The following PLCB4 variants were observed in gnomAD, a reference collection of about 807,000 sequenced individuals.
The protein encoded by PLCB4 is 1-phosphatidylinositol 4,5-bisphosphate phosphodiesterase beta-4.
In PLCB4, 77 loss-of-function variants were observed where a neutral mutation model predicts 178.8. The ratio of observed to expected loss-of-function variants is 0.43; its 90% CI spans 0.36 to 0.52. The LOEUF (loss-of-function observed/expected upper bound fraction) is 0.52, where lower values mean the gene tolerates loss of function less well. Ranked by LOEUF, PLCB4 falls within the 20% of genes least tolerant of loss-of-function variation. The probability of loss-of-function intolerance (pLI) is 0.00; values close to 1 mark genes in which losing one functional copy is unlikely to be tolerated. For synonymous variants in PLCB4, 496 were observed against 490.8 expected, an observed-to-expected ratio of 1.01 and a Z score of -0.14; for missense variants, 1,024 against 1,453.4, an observed-to-expected ratio of 0.70 and a Z score of 4.80.
intron 14 of PLCB4, 64 bp downstream of exon 14, chr20:9,384,475 C>G: frequency 8.8e-7 from 1 of 1,140,856 alleles, no homozygotes; most frequent in Non-Finnish European, 1.3e-6. Flanking sequence ...ATTTACTTTT[C>G]TCTGAAAAAC....
chr20:9,476,797 GA>G, intron 39 of PLCB4, 44 bp downstream of exon 39: 1 of 1,341,402 alleles, frequency 7.5e-7, no homozygotes, highest in Non-Finnish European at 1.1e-6. Flanking sequence ...TTTCCTTCTC[GA>G]CTACGTCCGT....
intron 7 of PLCB4, among the ~76,000 whole-genome samples, chr20:9,342,674 C>T (rs1312170927): frequency 6.7e-6 from 1 of 149,774 alleles, no homozygotes; most frequent in Non-Finnish European, 1.5e-5. Flanking sequence ...TTTTTTTCCC[C>T]CTGTACTTTA....
At chr20:9,369,795 A>G (rs1316594057) in intron 9 of PLCB4, among the ~76,000 whole-genome samples, 1 of 152,210 alleles carries the variant, frequency 6.6e-6, no homozygotes, top group East Asian at 1.9e-4. Context: ...CTCATTCAGA[A>G]CTTGCCTTCT....
chr20:9,411,363 G>A (rs1419179508), intron 25 of PLCB4, among the ~76,000 whole-genome samples: 1 of 152,290 alleles, frequency 6.6e-6, no homozygotes, highest in African/African-American at 2.4e-5. Flanking sequence ...AATAGTGGAG[G>A]ATTTTATGTC....
chr20:9,200,597 C>T (rs888364962), intron 2 of PLCB4, among the ~76,000 whole-genome samples: 2 of 152,190 alleles, frequency 1.3e-5, no homozygotes, highest in Non-Finnish European at 2.9e-5. Flanking sequence ...ATCTGACTCC[C>T]TTTTACCTTT....
chr20:9,095,562 C>G (rs1354315095), intron 1 of PLCB4, among the ~76,000 whole-genome samples: 3 of 152,172 alleles, frequency 2.0e-5, no homozygotes, highest in Non-Finnish European at 4.4e-5. Context: ...CTTATTTTGG[C>G]TTGAATATGT....
rs770174010 is a variant in PLCB4, at chr20:9,362,886, T to G, written c.370-10T>G. 1 of 1,600,756 alleles carries G rather than the reference T, an allele frequency of 6.2e-7. No homozygotes were observed. Among genetic ancestry groups the G allele is most frequent in the African/African-American group, 1.3e-5 (1 of 74,732 alleles). ...TTGCTCACCAAGAATATTTTTTCTT[T>G]CTCTTTCAGCAATGGGTAGAAGGCC... On this transcript the variant is annotated splice_polypyrimidine_tract_variant and intron_variant, in intron 7 of 39. Transcript: ENST00000378473.
At chr20:9,470,365 G>A (rs1416255755) in intron 36 of PLCB4, among the ~76,000 whole-genome samples, 1 of 151,806 alleles carries the variant, frequency 6.6e-6, no homozygotes, top group African/African-American at 2.4e-5. Context: ...GTCATTCTCT[G>A]GATGTTATTC....
intron 3 of PLCB4, among the ~76,000 whole-genome samples, chr20:9,231,813 G>A (rs2093936241): frequency 6.6e-6 from 1 of 152,104 alleles, no homozygotes; most frequent in Non-Finnish European, 1.5e-5. Flanking sequence ...TGTTTCCCAA[G>A]AGAATGAAAA....
intron 2 of PLCB4, among the ~76,000 whole-genome samples, chr20:9,150,934 A>G (rs1195118212): frequency 6.6e-6 from 1 of 152,082 alleles, no homozygotes; most frequent in African/African-American, 2.4e-5. Flanking sequence ...GCTTGTGTTT[A>G]TGATGGGAGC....
chr20:9,313,754 G>A (rs1202614281), intron 4 of PLCB4, among the ~76,000 whole-genome samples: 4 of 152,136 alleles, frequency 2.6e-5, no homozygotes, highest in Admixed American at 6.5e-5. Context: ...TAGTTTGGAC[G>A]GCAGCTGTAC....
chr20:9,239,306 T>C (rs1045561190), intron 3 of PLCB4, among the ~76,000 whole-genome samples: 1 of 152,204 alleles, frequency 6.6e-6, no homozygotes, highest in Non-Finnish European at 1.5e-5. Flanking sequence ...TATTTTTTCA[T>C]ATCTTACATC....
At chr20:9,316,234 C>T (rs1001991615) in intron 4 of PLCB4, among the ~76,000 whole-genome samples, 4 of 152,084 alleles carry the variant, frequency 2.6e-5, no homozygotes, top group Admixed American at 6.5e-5. Context: ...GCCCATCCCA[C>T]GGACCTATGG....
Position 9,479,105 on chromosome 20 carries a change from A to G in PLCB4, c.*96A>G. On this transcript the variant is annotated 3_prime_UTR_variant, in exon 40 of 40. Transcript: ENST00000378473. ...TGTTTATTTTGTTTCCTTTATGTGT[A>G]AACAAGATGATATCTGAAACCAGAG... The G allele has an allele frequency of 1.2e-6, 1 of 820,652 alleles. No homozygotes were observed. Among genetic ancestry groups the G allele is most frequent in the Non-Finnish European group, 2.1e-6 (1 of 485,874 alleles). 50.8% of individuals were successfully genotyped at this position (820,652 alleles called of 1,614,324 possible). A position where few individuals can be genotyped will look rare whatever the true frequency, so the allele number is the denominator to read the frequency against.
At chr20:9,083,968 A>G (rs1279384976) in intron 1 of PLCB4, among the ~76,000 whole-genome samples, 1 of 152,206 alleles carries the variant, frequency 6.6e-6, no homozygotes, top group Non-Finnish European at 1.5e-5. Context: ...GAAACCTAAT[A>G]CAGTGGAGGG....
At chr20:9,310,704 T>A (rs2094823029) in intron 4 of PLCB4, among the ~76,000 whole-genome samples, 1 of 151,924 alleles carries the variant, frequency 6.6e-6, no homozygotes, top group East Asian at 1.9e-4. Context: ...AAAGTGATGC[T>A]GTGTCTCAAA....
intron 2 of PLCB4, among the ~76,000 whole-genome samples, chr20:9,107,855 A>G (rs2146670981): frequency 6.6e-6 from 1 of 152,224 alleles, no homozygotes; most frequent in African/African-American, 2.4e-5. Context: ...GTTCCTGTGT[A>G]ATCAAGGGAG....
rs7263661 is a variant in PLCB4, at chr20:9,477,293, A to C, written c.3532+540A>C. Among the ~76,000 whole-genome samples, 512 of 152,304 alleles carry C rather than the reference A, an allele frequency of 3.4e-3. 7 individuals carry two copies. The highest frequency in any genetic ancestry group is 0.012 in the African/African-American group (489 of 41,568). On this transcript the variant is annotated intron_variant, in intron 39 of 39. Coordinates refer to ENST00000378473, the MANE Select transcript of PLCB4 (RefSeq NM_001377142.1). ...CATATAATTTATTGTCCATACCAGG[A>C]TAGTTTTGAGAGTGAAAGGCAGCTC...
At chr20:9,350,461 G>A (rs1171751286) in intron 7 of PLCB4, among the ~76,000 whole-genome samples, 3 of 152,196 alleles carry the variant, frequency 2.0e-5, no homozygotes, top group Non-Finnish European at 2.9e-5. Flanking sequence ...CGTCCAGTAA[G>A]TGGTGTTTTG....
Sources: allele counts gnomAD v4.1 joint callset (sites outside exome capture counted in the v4.1 genomes callset), GRCh38; gene constraint gnomAD v4.1.1; transcripts MANE v1.5; gene names NCBI Gene and HGNC (gene_info 2026-07-23, HGNC 2026-07-21).